The following NCALD variants were observed in gnomAD, a reference collection of about 807,000 sequenced individuals.
NCALD encodes the protein neurocalcin delta.
Under a neutral mutation model 18.6 loss-of-function variants are expected in NCALD, and 10 were observed. The ratio of observed to expected loss-of-function variants is 0.54; its 90% CI spans 0.33 to 0.91. The LOEUF (loss-of-function observed/expected upper bound fraction) is 0.91, where lower values mean the gene tolerates loss of function less well. Among genes scored for constraint, NCALD ranks in the 40% least tolerant of loss-of-function variants. The pLI, the probability that NCALD is intolerant of heterozygous loss-of-function variation, is 0.03. For missense variants in NCALD, 184 were observed against 247.6 expected, an observed-to-expected ratio of 0.74 and a Z score of 1.72; for synonymous variants, 88 against 87.4, an observed-to-expected ratio of 1.01 and a Z score of -0.04.
intron 4 of NCALD, among the ~76,000 whole-genome samples, chr8:101,825,975 C>A (rs1391564765): frequency 6.6e-6 from 1 of 152,160 alleles, no homozygotes; most frequent in Non-Finnish European, 1.5e-5. Flanking sequence ...ATGGCAAGGC[C>A]AAAAAATGTT....
At chr8:101,927,542 A>C (rs1182473105) in intron 2 of NCALD, among the ~76,000 whole-genome samples, 1 of 152,170 alleles carries the variant, frequency 6.6e-6, no homozygotes, top group South Asian at 2.1e-4. Context: ...GAGCAATCTA[A>C]GCAGAGGGAA....
chr8:101,987,409 G>T (rs1820854259), intron 2 of NCALD, among the ~76,000 whole-genome samples: 1 of 152,170 alleles, frequency 6.6e-6, no homozygotes, highest in Admixed American at 6.5e-5. Flanking sequence ...GTCCATGTAT[G>T]TAATATCCAA....
chr8:102,041,630 T>G (rs1331760283), intron 1 of NCALD, among the ~76,000 whole-genome samples: 1 of 152,242 alleles, frequency 6.6e-6, no homozygotes, highest in East Asian at 1.9e-4. Context: ...AAAGCCAGTT[T>G]GATACAGGGA....
chr8:102,002,531 T>C (rs1373609183), intron 2 of NCALD, among the ~76,000 whole-genome samples: 1 of 152,172 alleles, frequency 6.6e-6, no homozygotes, highest in East Asian at 1.9e-4. Flanking sequence ...GCAGACCTAA[T>C]AGACATCTAG....
At chr8:102,058,538 T>C (rs778460648) in intron 1 of NCALD, among the ~76,000 whole-genome samples, 13 of 152,224 alleles carry the variant, frequency 8.5e-5, no homozygotes, top group Non-Finnish European at 1.8e-4. Context: ...TTTTTAAAAC[T>C]CAGACCTCTG....
intron 1 of NCALD, among the ~76,000 whole-genome samples, chr8:102,058,148 G>A (rs561353992): frequency 6.6e-6 from 1 of 152,308 alleles, no homozygotes; most frequent in African/African-American, 2.4e-5. Flanking sequence ...TGAGGACACA[G>A]GTCAAACAAT....
chr8:101,837,478 A>G (rs914491534), intron 4 of NCALD, among the ~76,000 whole-genome samples: 2 of 152,230 alleles, frequency 1.3e-5, no homozygotes, highest in African/African-American at 4.8e-5. Flanking sequence ...ACGTGTTTCC[A>G]GAAAAGCTCC....
chr8:101,688,847 G>T lies in NCALD; in HGVS notation c.*462C>A. The T allele has an allele frequency of 1.6e-6, 1 of 624,148 alleles. No homozygotes were observed. 38.7% of individuals were successfully genotyped at this position (624,148 alleles called of 1,614,324 possible). On this transcript the variant is annotated 3_prime_UTR_variant, in exon 4 of 4. Transcript: ENST00000220931. ...ATAGCCTCACCCCAGAGGGTAACTT[G>T]TTCTTGGGGAATCCAGCATCCGGTG...
intron 1 of NCALD, among the ~76,000 whole-genome samples, chr8:101,750,992 T>C (rs1333360160): frequency 2.0e-5 from 3 of 152,200 alleles, no homozygotes; most frequent in Non-Finnish European, 4.4e-5. Flanking sequence ...TGGATTTCTC[T>C]TTTCCATCAG....
At chr8:101,969,928 T>C (rs1820175060) in intron 2 of NCALD, among the ~76,000 whole-genome samples, 1 of 152,140 alleles carries the variant, frequency 6.6e-6, no homozygotes, top group Non-Finnish European at 1.5e-5. Flanking sequence ...TCTAAGTGTG[T>C]GTGTGTGTGC....
At position 102,102,927 on chromosome 8, in the gene NCALD, G is replaced by A. The variant is rs118036877; in HGVS notation, c.-210+21310C>T. Among the ~76,000 whole-genome samples the A allele has an allele frequency of 7.0e-3, 1,063 of 152,232 alleles. 11 individuals are homozygous for A. The highest frequency in any genetic ancestry group is 0.012 in the Non-Finnish European group (784 of 68,008). The stretch of plus-strand genomic sequence containing the variant: ...GGAATTTGATTTTATCAGTTCACTC[G>A]GGAGTGATGAGACCCTAGGGGACCA... On this transcript the variant is annotated intron_variant, in intron 1 of 6. Transcript: ENST00000311028.
chr8:101,724,065 G>T (rs377087204), intron 1 of NCALD, among the ~76,000 whole-genome samples: 3 of 152,122 alleles, frequency 2.0e-5, no homozygotes, highest in Admixed American at 2.0e-4. Flanking sequence ...AAGAAATTAC[G>T]TATATGTGAC....
intron 1 of NCALD, among the ~76,000 whole-genome samples, chr8:101,726,808 G>A (rs192764160): frequency 3.9e-5 from 6 of 152,254 alleles, no homozygotes; most frequent in African/African-American, 7.2e-5. Context: ...CACCAGGGAC[G>A]TGAATGTGGA....
intron 2 of NCALD, among the ~76,000 whole-genome samples, chr8:101,718,923 C>A (rs1234764132): frequency 2.0e-5 from 3 of 152,230 alleles, no homozygotes; most frequent in Middle Eastern, 3.2e-3. Context: ...AAACCTTGGT[C>A]TCCACAACCA....
Position 101,760,431 on chromosome 8 carries a change from T to C in NCALD, c.-20+30431A>G, listed in dbSNP as rs151050403. Among the ~76,000 whole-genome samples, 163 of 152,260 alleles carry C rather than the reference T, an allele frequency of 1.1e-3. 1 individual carries two copies. Among genetic ancestry groups the C allele is most frequent in the Admixed American group, 4.4e-3 (67 of 15,298 alleles). On this transcript the variant is annotated intron_variant, in intron 1 of 3. Transcript: ENST00000220931. Reference sequence around the variant, plus strand: ...TGCAAAATATTCTGGGAAGGACAGATGACAACAGGAGGGGGAAGGGACCTC... The same window carrying C: ...TGCAAAATATTCTGGGAAGGACAGACGACAACAGGAGGGGGAAGGGACCTC...
At chr8:102,084,094 AG>A (rs1466510032) in intron 1 of NCALD, among the ~76,000 whole-genome samples, 9 of 152,248 alleles carry the variant, frequency 5.9e-5, no homozygotes, top group African/African-American at 2.2e-4. Context: ...CAGTCAGAAT[AG>A]ATTTCCTTTC....
At position 101,948,612 on chromosome 8, in the gene NCALD, T is replaced by C. The variant is rs80308139; in HGVS notation, c.-156-32754A>G. On this transcript the variant is annotated intron_variant, in intron 2 of 6. Coordinates refer to the NCALD transcript ENST00000311028. The stretch of plus-strand genomic sequence containing the variant: ...TAGCAACTGCTCAGGGAGAGGGTAC[T>C]GAGATGAGAATAAAGCCTGAGTGAG... Among the ~76,000 whole-genome samples, 256 of 152,252 alleles carry C rather than the reference T, an allele frequency of 1.7e-3. 4 individuals are homozygous for C. The East Asian group carries it at 0.044, about 26-fold the overall frequency.
intron 2 of NCALD, among the ~76,000 whole-genome samples, chr8:102,000,806 G>T (rs1821427406): frequency 6.6e-6 from 1 of 152,240 alleles, no homozygotes; most frequent in South Asian, 2.1e-4. Context: ...CAGACATGCA[G>T]CTGAGGGTCC....
chr8:101,931,009 T>TTATCAGTACC (rs1818551785), intron 2 of NCALD, among the ~76,000 whole-genome samples: 1 of 152,182 alleles, frequency 6.6e-6, no homozygotes, highest in African/African-American at 2.4e-5. Flanking sequence ...TAGAAGCTCC[T>TTATCAGTACC]TATCAGTACC....
Sources: allele counts gnomAD v4.1 joint callset (sites outside exome capture counted in the v4.1 genomes callset), GRCh38; gene constraint gnomAD v4.1.1; transcripts MANE v1.5; gene names NCBI Gene and HGNC (gene_info 2026-07-23, HGNC 2026-07-21).